The following CYP46A1 variants were observed in gnomAD, a reference collection of about 807,000 sequenced individuals.
CYP46A1 encodes the protein cytochrome P450 family 46 subfamily A member 1, also known as cholesterol 24-hydroxylase.
In CYP46A1, 20 loss-of-function variants were observed where a neutral mutation model predicts 63.3. The ratio of observed to expected loss-of-function variants is 0.32; its 90% CI spans 0.22 to 0.46. The LOEUF is 0.46. Among genes scored for constraint, CYP46A1 ranks in the 20% least tolerant of loss-of-function variants. CYP46A1 has a pLI of 1.00. For synonymous variants in CYP46A1, 268 were observed against 273.6 expected, an observed-to-expected ratio of 0.98 and a Z score of 0.20; for missense variants, 445 against 670.8, an observed-to-expected ratio of 0.66 and a Z score of 3.72.
rs753505149 is a variant in CYP46A1, at chr14:99,715,884, C to T, written c.768C>T (p.Asp256=). 2 of 1,611,450 alleles carry T rather than the reference C, an allele frequency of 1.2e-6. No homozygotes were observed. Among genetic ancestry groups the T allele is most frequent in the Admixed American group, 1.7e-5 (1 of 59,856 alleles). Residue 256 remains aspartate, a synonymous_variant, in exon 8 of 15, where the codon GAC becomes GAT. Transcript: ENST00000261835. ...GCTTCCTGCGCCAGGTGGGCAGGGA[C>T]TGGGTCCAGCGCCGCCGGGAAGCCC... ...SIRFLRQVGR[D]WVQRRREALK...
Position 99,715,920 on chromosome 14 carries a change from C to T in CYP46A1, c.804C>T (p.Gly268=), listed in dbSNP as rs770021958. The change falls in exon 8 of 15, where the codon GGC becomes GGT. Residue 268 remains glycine (G), a synonymous_variant. Coordinates refer to ENST00000261835, the MANE Select transcript of CYP46A1 (RefSeq NM_006668.2). ...VQRRREALKR[G]EEVPADILTQ... The stretch of plus-strand genomic sequence containing the variant: ...GCCGCCGGGAAGCCCTGAAGAGGGG[C>T]GAGGAGGTTCCTGCCGACATCCTCA... 8 of 1,541,168 alleles carry T rather than the reference C, an allele frequency of 5.2e-6. No individual in the cohort carries two copies. The highest frequency in any genetic ancestry group is 1.1e-5 in the South Asian group (1 of 89,490).
chr14:99,693,657 A>G (rs573565147), intron 3 of CYP46A1: 1 of 152,286 alleles, frequency 6.6e-6, no homozygotes, highest in African/African-American at 2.4e-5. Flanking sequence ...TTCCTCCTCT[A>G]TCTTCTGTAA....
chr14:99,716,214 C>A lies in CYP46A1; in HGVS notation c.907+15C>A, dbSNP rs201998529. On this transcript the variant is annotated intron_variant, in intron 9 of 14. Transcript: ENST00000261835. ...CTTCATTGCTGGTTTGTAGCTTTGG[C>A]GGTGGCCAAGGGCCCGGAGCTCTGC... is the stretch of plus-strand genomic sequence containing the variant. The A allele has an allele frequency of 2.9e-5, 46 of 1,613,776 alleles. No homozygotes were observed. The Middle Eastern group carries it at 1.2e-3, about 40-fold the overall frequency.
rs778594593 is a variant in CYP46A1 at position 99,726,652 on chromosome 14, C to G, written c.1428C>G (p.Leu476=). Residue 476 remains leucine (L), a synonymous_variant, in exon 15 of 15, where the codon CTC becomes CTG. Transcript: ENST00000261835. ...TCGGGCTGCAGGAGCAGGCCACACT[C>G]AAGCCACTGGACCCCGTGCTGTGCA... ...QRFGLQEQAT[L]KPLDPVLCTL... 1.2e-5 allele frequency: 19 copies of G among 1,556,070 alleles called. No homozygotes were observed. Among genetic ancestry groups the G allele is most frequent in the Non-Finnish European group, 1.6e-5 (18 of 1,152,196 alleles).
At position 99,725,250 on chromosome 14, in the gene CYP46A1, C is replaced by T. The variant is rs950872691; in HGVS notation, c.1177-141C>T. Reference sequence around the variant, plus strand: ...AGGGGGCCAGTGCAATGGACACCAACCTAGATGAGGGGTGAAGACATGGGG... The same window carrying T: ...AGGGGGCCAGTGCAATGGACACCAATCTAGATGAGGGGTGAAGACATGGGG... On this transcript the variant is annotated intron_variant, in intron 12 of 14. Transcript: ENST00000261835. The surrounding 1 kb of genome is among the most constrained non-coding windows in gnomAD (Gnocchi z 4.2). The T allele has an allele frequency of 1.4e-4, 90 of 658,374 alleles. No homozygotes were observed. The highest frequency in any genetic ancestry group is 2.4e-4 in the Non-Finnish European group (86 of 364,484). The allele number at this position is 658,374 out of a possible 1,614,324, so 40.8% of individuals were successfully genotyped here. A position where few individuals can be genotyped will look rare whatever the true frequency, so the allele number is the denominator to read the frequency against.
Position 99,727,075 on chromosome 14 carries a change from AC to A in CYP46A1, c.*354del. On this transcript the variant is annotated 3_prime_UTR_variant, in exon 15 of 15. Coordinates refer to ENST00000261835, the MANE Select transcript of CYP46A1 (RefSeq NM_006668.2). ...CCTCCTCCAAGAAGCCCTCCTTGCC[AC>A]CCCCCGCCGGCAGGGGCCCCTCCTC... 14 of 264,094 alleles carry A rather than the reference AC, an allele frequency of 5.3e-5. No individual in the cohort carries two copies. The highest frequency in any genetic ancestry group is 7.2e-5 in the Non-Finnish European group (10 of 139,430). 16.4% of individuals were successfully genotyped at this position (264,094 alleles called of 1,614,324 possible).
chr14:99,718,729 T>C (rs1013912594), intron 10 of CYP46A1, among the ~76,000 whole-genome samples: 3 of 152,142 alleles, frequency 2.0e-5, no homozygotes, highest in Admixed American at 6.5e-5. Context: ...GTGGGAGCTC[T>C]GGGGAGGTGG....
Position 99,726,680 on chromosome 14 carries a change from C to G in CYP46A1, c.1456C>G (p.Leu486Val), listed in dbSNP as rs935090317. 3 of 1,551,366 alleles carry G rather than the reference C, an allele frequency of 1.9e-6. No homozygotes were observed. Among genetic ancestry groups the G allele is most frequent in the Non-Finnish European group, 2.6e-6 (3 of 1,147,704 alleles). ...LKPLDPVLCT[L>V]RPRGWQPAPP... The stretch of plus-strand genomic sequence containing the variant: ...GCCACTGGACCCCGTGCTGTGCACC[C>G]TGCGGCCCCGCGGCTGGCAGCCCGC... Residue 486 changes from leucine to valine, a missense_variant, in exon 15 of 15, where the codon CTG (leucine) becomes GTG (valine). By Grantham distance (32) the Leu-to-Val change is conservative. Around this residue, in one of 4 missense-constraint regions of CYP46A1, gnomAD observed 85 missense variants for 80.1 expected, o/e 1.06. Coordinates refer to ENST00000261835, the MANE Select transcript of CYP46A1 (RefSeq NM_006668.2).
intron 7 of CYP46A1, chr14:99,708,117 C>T (rs1487584388): frequency 6.4e-5 from 17 of 264,578 alleles, no homozygotes; most frequent in Non-Finnish European, 9.6e-5. Context: ...ACCACCTGCA[C>T]GCACTGTCCA....
At chr14:99,720,008 C>T (rs1001778294) in intron 10 of CYP46A1, among the ~76,000 whole-genome samples, 6 of 151,944 alleles carry the variant, frequency 3.9e-5, no homozygotes, top group African/African-American at 7.3e-5. Flanking sequence ...ATGATCCACC[C>T]GCCTCGGCCT....
At chr14:99,704,180 T>C (rs1276128353) in intron 5 of CYP46A1, among the ~76,000 whole-genome samples, 8 of 152,212 alleles carry the variant, frequency 5.3e-5, no homozygotes, top group African/African-American at 1.9e-4. Flanking sequence ...AAGTTTGCCA[T>C]CTTAACCATT....
intron 5 of CYP46A1, among the ~76,000 whole-genome samples, chr14:99,701,707 C>T (rs1049517067): frequency 9.8e-5 from 15 of 152,290 alleles, no homozygotes; most frequent in African/African-American, 3.4e-4. Flanking sequence ...GATTCAATGG[C>T]GTTGGTATAT....
intron 12 of CYP46A1, chr14:99,723,265 A>G (rs113803605): frequency 8.7e-4 from 135 of 155,228 alleles, no homozygotes; most frequent in African/African-American, 3.2e-3. Context: ...GTAGAGCGTT[A>G]TTTTATTTTA....
chr14:99,699,945 C>A, intron 4 of CYP46A1, 70 bp from the exon 5 acceptor site: 2 of 1,088,560 alleles, frequency 1.8e-6, no homozygotes, highest in Non-Finnish European at 1.4e-6. Context: ...AAAATATGAC[C>A]CCAAGCCCAT....
intron 3 of CYP46A1, among the ~76,000 whole-genome samples, chr14:99,696,023 G>T (rs1043572665): frequency 6.6e-6 from 1 of 151,934 alleles, no homozygotes; most frequent in African/African-American, 2.4e-5. Context: ...ATTTAAAATG[G>T]GTTTCTTATA....
At chr14:99,703,829 T>C (rs2056652037) in intron 5 of CYP46A1, 1 of 985,156 alleles carries the variant, frequency 1.0e-6, no homozygotes, top group Non-Finnish European at 1.2e-6. Context: ...AATGAATGCG[T>C]AAGTGAATCA....
intron 2 of CYP46A1, 80 bp from the exon 3 acceptor site, chr14:99,691,700 C>T (rs558033762): frequency 2.6e-5 from 35 of 1,332,952 alleles, no homozygotes; most frequent in African/African-American, 1.3e-4. Context: ...CGGGAAACAT[C>T]GGTTTCTCAG....
chr14:99,699,455 G>T lies in CYP46A1; in HGVS notation c.283-11G>T. 2 of 1,613,916 alleles carry T rather than the reference G, an allele frequency of 1.2e-6. No individual in the cohort carries two copies. The highest frequency in any genetic ancestry group is 1.3e-5 in the African/African-American group (1 of 74,990). On this transcript the variant is annotated splice_polypyrimidine_tract_variant and intron_variant, in intron 3 of 14. Transcript: ENST00000261835. Reference sequence around the variant, plus strand: ...TGCATGAGCCTATGTTGGTTTTTTGGGGATATTTAGAAGTTCCTGATGTCA... The same window carrying T: ...TGCATGAGCCTATGTTGGTTTTTTGTGGATATTTAGAAGTTCCTGATGTCA...
intron 1 of CYP46A1, among the ~76,000 whole-genome samples, chr14:99,685,535 C>G (rs529276875): frequency 6.6e-6 from 1 of 151,872 alleles, no homozygotes; most frequent in Non-Finnish European, 1.5e-5. Flanking sequence ...ATGTGAGCCC[C>G]GGGAGGACAG....
Sources: allele counts gnomAD v4.1 joint callset (sites outside exome capture counted in the v4.1 genomes callset), GRCh38; gene constraint gnomAD v4.1.1; regional missense constraint gnomAD v4.1.1; non-coding constraint Gnocchi (gnomAD v3.1); transcripts MANE v1.5; gene names NCBI Gene and HGNC (gene_info 2026-07-23, HGNC 2026-07-21).